Variants in CFH observed in about 807,000 individuals in gnomAD.
The protein encoded by CFH is complement factor H.
A neutral mutation model predicts 147.3 loss-of-function variants in CFH; 53 were observed. The observed-to-expected ratio is 0.36, with a 90% CI of 0.29 to 0.45. CFH has a LOEUF of 0.45. Among genes scored for constraint, CFH ranks in the 20% least tolerant of loss-of-function variants. The pLI, the probability that CFH is intolerant of heterozygous loss-of-function variation, is 1.00. For synonymous variants in CFH, 536 were observed against 489.4 expected, an observed-to-expected ratio of 1.10 and a Z score of -1.26; for missense variants, 1,380 against 1,498.0, an observed-to-expected ratio of 0.92 and a Z score of 1.30.
At chr1:196,738,775 T>C (rs1431957834) in intron 17 of CFH, among the ~76,000 whole-genome samples, 1 of 152,174 alleles carries the variant, frequency 6.6e-6, no homozygotes, top group Non-Finnish European at 1.5e-5. Context: ...GCTTCAATGA[T>C]TGTGGTCCTG....
intron 18 of CFH, chr1:196,741,046 C>A: frequency 2.1e-6 from 1 of 476,892 alleles, no homozygotes; most frequent in South Asian, 2.2e-5. Flanking sequence ...CATCTCTGTT[C>A]TTAGGGCACA....
In CFH at chr1:196,737,132, G is replaced by C. The variant is rs1669425767; in HGVS notation, c.2596+126G>C. On this transcript the variant is annotated intron_variant, in intron 16 of 21. Transcript: ENST00000367429. ...TACTTTATCCTGACAAAATAAATTA[G>C]GACCTAGGCACATTAATCAATCACC... 8 of 837,254 alleles carry C rather than the reference G, an allele frequency of 9.6e-6. No individual in the cohort carries two copies. The South Asian group carries it at 1.3e-4, about 14-fold the overall frequency. 51.9% of individuals were successfully genotyped at this position (837,254 alleles called of 1,614,324 possible).
At position 196,671,604 on chromosome 1, in the gene CFH, A is replaced by T. The variant is rs147682377; in HGVS notation, c.59-1374A>T. ...AAGACTAATACACACACACACACACACACACACACACACACACACACAGAG... is the reference window on the plus strand; with the variant it reads ...AAGACTAATACACACACACACACACTCACACACACACACACACACACAGAG... On this transcript the variant is annotated intron_variant, in intron 1 of 21. Transcript: ENST00000367429. Among the ~76,000 whole-genome samples, 39 of 149,292 alleles carry T rather than the reference A, an allele frequency of 2.6e-4. No individual in the cohort carries two copies. The East Asian group carries it at 6.3e-3, about 24-fold the overall frequency.
In CFH at chr1:196,742,094, G is replaced by C. The variant is rs755346540; in HGVS notation, c.3133+43G>C. 5 of 1,593,454 alleles carry C rather than the reference G, an allele frequency of 3.1e-6. No individual in the cohort carries two copies. The South Asian group carries it at 5.5e-5, about 18-fold the overall frequency. ...CAAAATTTATTTATATAATGTGTGG[G>C]CCCAGCCCAGTGGCTGGCGCCTGTA... is the stretch of plus-strand genomic sequence containing the variant. On this transcript the variant is annotated intron_variant, in intron 19 of 21. Coordinates refer to ENST00000367429, the MANE Select transcript of CFH (RefSeq NM_000186.4).
In CFH at chr1:196,742,149, C is replaced by A. The variant is rs1009962346; in HGVS notation, c.3133+98C>A. 5 of 1,153,942 alleles carry A rather than the reference C, an allele frequency of 4.3e-6. No homozygotes were observed. The East Asian group carries it at 7.7e-5, about 18-fold the overall frequency. 71.5% of individuals were successfully genotyped at this position (1,153,942 alleles called of 1,614,324 possible). A position where few individuals can be genotyped will look rare whatever the true frequency, so the allele number is the denominator to read the frequency against. On this transcript the variant is annotated intron_variant, in intron 19 of 21. Transcript: ENST00000367429. The stretch of plus-strand genomic sequence containing the variant: ...CAGCACTTTGGGAGGCCGAGGTGGG[C>A]GGATCACTTGAGGTCAGGAGTTCGA...
intron 9 of CFH, among the ~76,000 whole-genome samples, chr1:196,699,176 C>T (rs79617696): frequency 0.018 from 2,798 of 152,182 alleles, 88 homozygotes; most frequent in African/African-American, 0.064. Flanking sequence ...TTCACATACT[C>T]AGTGTATGTG....
At position 196,677,060 on chromosome 1, in the gene CFH, T is replaced by C. The variant is rs556472508; in HGVS notation, c.428-416T>C. On this transcript the variant is annotated intron_variant, in intron 4 of 21. Transcript: ENST00000367429. Reference sequence around the variant, plus strand: ...TTTTAAACACTTAGGTCGAAGAGGATGGAAAATTAACGATGATTTCTCTAT... The same window carrying C: ...TTTTAAACACTTAGGTCGAAGAGGACGGAAAATTAACGATGATTTCTCTAT... 1.8e-5 allele frequency: 3 copies of C among 164,384 alleles called. No individual in the cohort carries two copies. The South Asian group carries it at 4.7e-4, about 26-fold the overall frequency. 10.2% of individuals were successfully genotyped at this position (164,384 alleles called of 1,614,324 possible).
chr1:196,731,396 A>T (rs1286432117), intron 15 of CFH, among the ~76,000 whole-genome samples: 2 of 151,854 alleles, frequency 1.3e-5, no homozygotes, highest in Admixed American at 6.6e-5. Context: ...TCTAAATTTT[A>T]CTCTGCTCCT....
In CFH at chr1:196,672,843, GGAGAGAGA is replaced by G. The variant is rs55759441; in HGVS notation, c.59-120_59-113del. The stretch of plus-strand genomic sequence containing the variant: ...TGTTTACTCCATAGATATGGGGTTA[GGAGAGAGA>G]GAGAGAGAGAGAGAAATTTAGATAG... On this transcript the variant is annotated intron_variant, in intron 1 of 21. Transcript: ENST00000367429. 4.2e-4 allele frequency: 256 copies of G among 607,762 alleles called. 2 individuals carry two copies. The South Asian group carries it at 5.2e-3, about 12-fold the overall frequency. 37.6% of individuals were successfully genotyped at this position (607,762 alleles called of 1,614,324 possible).
chr1:196,733,509 T>A (rs1669328830), intron 15 of CFH, among the ~76,000 whole-genome samples: 1 of 152,020 alleles, frequency 6.6e-6, no homozygotes, highest in Non-Finnish European at 1.5e-5. Flanking sequence ...GACACAAACC[T>A]TTTTGAGGAT....
At chr1:196,734,194 G>A (rs890214991) in intron 15 of CFH, among the ~76,000 whole-genome samples, 2 of 152,108 alleles carry the variant, frequency 1.3e-5, no homozygotes, top group African/African-American at 4.8e-5. Context: ...GCTCCATTGT[G>A]TTGCAACTTT....
At chr1:196,714,643 A>ATATATGTATATATATGTATATATATGTG (rs1558173287) in intron 10 of CFH, among the ~76,000 whole-genome samples, 62 of 31,280 alleles carry the variant, frequency 2.0e-3, no homozygotes, top group African/African-American at 9.8e-3. Context: ...ATGTATATAT[A>ATATATGTATATATATGTATATATATGTG]TATATATATA....
chr1:196,730,270 T>C (rs1485650898), intron 15 of CFH, among the ~76,000 whole-genome samples: 1 of 151,924 alleles, frequency 6.6e-6, no homozygotes. Context: ...CCATAAGTTT[T>C]GCTACGTTTT....
chr1:196,742,290 C>G (rs531637386), intron 19 of CFH, among the ~76,000 whole-genome samples: 1 of 152,218 alleles, frequency 6.6e-6, no homozygotes, highest in Admixed American at 6.5e-5. Context: ...GCAGGAGAAT[C>G]GCTTGAACCA....
chr1:196,687,578 C>CTCTA (rs1667871155), intron 7 of CFH, among the ~76,000 whole-genome samples: 1 of 151,944 alleles, frequency 6.6e-6, no homozygotes, highest in Non-Finnish European at 1.5e-5. Flanking sequence ...GCTTTGAAAT[C>CTCTA]TCTACTCTAC....
chr1:196,726,257 T>G (rs553258006), intron 12 of CFH, among the ~76,000 whole-genome samples: 1 of 152,276 alleles, frequency 6.6e-6, no homozygotes, highest in Non-Finnish European at 1.5e-5. Flanking sequence ...TATCTAGAAG[T>G]CTGAGCATAT....
At chr1:196,679,182 A>G (rs1347149934) in intron 5 of CFH, 1 of 155,718 alleles carries the variant, frequency 6.4e-6, no homozygotes, top group Non-Finnish European at 1.4e-5. Context: ...GTGATGACAC[A>G]AAAACAGGTC....
At chr1:196,685,925 A>G (rs1667810378) in intron 7 of CFH, among the ~76,000 whole-genome samples, 1 of 152,148 alleles carries the variant, frequency 6.6e-6, no homozygotes, top group Non-Finnish European at 1.5e-5. Context: ...TATGAAGAAA[A>G]GAGGTTAAAT....
intron 3 of CFH, among the ~76,000 whole-genome samples, 158 bp from the exon 4 acceptor site, chr1:196,675,831 A>G (rs546762242): frequency 1.3e-5 from 2 of 152,114 alleles, no homozygotes; most frequent in African/African-American, 4.8e-5. Context: ...GAGGAGGAGA[A>G]GGAGGAAGGA....
Sources: gnomAD v4.1 joint callset for allele counts (sites outside exome capture counted in the v4.1 genomes callset) on GRCh38, gnomAD v4.1.1 for gene constraint, MANE v1.5 for transcripts, NCBI Gene and HGNC (gene_info 2026-07-23, HGNC 2026-07-21) for gene names.